ZNF773: variants seen among roughly 807,000 people sequenced by gnomAD.
The protein encoded by ZNF773 is zinc finger protein 419B.
In ZNF773, 11 loss-of-function variants were observed where a neutral mutation model predicts 12.8. That is an observed-to-expected ratio of 0.86 (90% confidence interval 0.54 to 1.42). The LOEUF (loss-of-function observed/expected upper bound fraction) is 1.42, where lower values mean the gene tolerates loss of function less well. Among genes scored for constraint, ZNF773 ranks in the 40% most tolerant of loss-of-function variants. The probability of loss-of-function intolerance (pLI) is 0.00; values close to 1 mark genes in which losing one functional copy is unlikely to be tolerated. For missense variants in ZNF773, 518 were observed against 527.2 expected (o/e 0.98, Z 0.17); for synonymous variants, 175 against 178.4 (o/e 0.98, Z 0.15).
downstream of ZNF773, chr19:57,514,143 A>G (rs1167669641): frequency 6.6e-6 from 1 of 152,246 alleles, no homozygotes; most frequent in Non-Finnish European, 1.5e-5. Context: ...TACAGATCAA[A>G]TCTTACATCA....
chr19:57,512,911 A>T, downstream of ZNF773: 2 of 1,196,436 alleles, frequency 1.7e-6, no homozygotes, highest in Non-Finnish European at 2.2e-6. Flanking sequence ...ATAAATACAA[A>T]GGGCTGTAGA....
At chr19:57,517,457 A>G (rs1477035532), downstream of ZNF773, 2 of 152,224 alleles carry the variant, frequency 1.3e-5, no homozygotes, top group East Asian at 1.9e-4. Flanking sequence ...AGTCACACTA[A>G]TAACCTCTGC....
chr19:57,506,451 A>G lies in ZNF773; in HGVS notation c.356A>G (p.His119Arg). Residue 119 changes from histidine to arginine, a missense_variant, in exon 4 of 4, where the codon CAC (histidine) becomes CGC (arginine). Transcript: ENST00000282292. ...SSNVQQHQKQ[H>R]CGEKPLKRQE... is the part of the protein sequence containing the mutation. ...AACGTTCAGCAACACCAGAAGCAGC[A>G]CTGTGGAGAGAAACCCTTAAAAAGA... The G allele has an allele frequency of 7.4e-6, 12 of 1,614,266 alleles. No individual in the cohort carries two copies. The African/African-American group carries it at 9.3e-5, about 13-fold the overall frequency.
At chr19:57,503,279 T>C (rs1487411647) in intron 1 of ZNF773, among the ~76,000 whole-genome samples, 1 of 152,186 alleles carries the variant, frequency 6.6e-6, no homozygotes, top group Non-Finnish European at 1.5e-5. Flanking sequence ...GAGGTCCTAT[T>C]GGTAATGCCA....
downstream of ZNF773, chr19:57,513,201 A>G: frequency 9.7e-7 from 1 of 1,027,970 alleles, no homozygotes; most frequent in African/African-American, 1.7e-5. Flanking sequence ...GAATCAGGGT[A>G]ACATAGGGCA....
At position 57,506,742 on chromosome 19, in the gene ZNF773, A is replaced by G; in HGVS notation, c.647A>G (p.Glu216Gly). ...LVQHQRLHTGEKPYECSECGK... is the reference protein window; with the variant it reads ...LVQHQRLHTGGKPYECSECGK... ...CAGCACCAGAGACTGCACACTGGGG[A>G]AAAGCCTTATGAATGCAGTGAATGT... is the stretch of plus-strand genomic sequence containing the variant. The change falls in exon 4 of 4, where the codon GAA becomes GGA. Residue 216 changes from glutamate to glycine, a missense_variant. Coordinates refer to ENST00000282292, the MANE Select transcript of ZNF773 (RefSeq NM_198542.3). 1.2e-6 allele frequency: 2 copies of G among 1,614,242 alleles called. No individual in the cohort carries two copies. The highest frequency in any genetic ancestry group is 1.1e-5 in the South Asian group (1 of 91,090).
downstream of ZNF773, among the ~76,000 whole-genome samples, chr19:57,512,749 G>A (rs1343476489): frequency 6.6e-6 from 1 of 152,168 alleles, no homozygotes; most frequent in African/African-American, 2.4e-5. Flanking sequence ...CAGATGGAAT[G>A]CTAAGGGCAG....
Position 57,507,754 on chromosome 19 carries a change from C to T in ZNF773, c.*330C>T. On this transcript the variant is annotated 3_prime_UTR_variant, in exon 4 of 4. Coordinates refer to ENST00000282292, the MANE Select transcript of ZNF773 (RefSeq NM_198542.3). ...CTTTGGGAGGCTGAAGCGGGCGGAT[C>T]ACAAGGTCAGGACATCGAAACCATC... is the stretch of plus-strand genomic sequence containing the variant. 9.3e-7 allele frequency: 1 copy of T among 1,073,152 alleles called. No individual in the cohort carries two copies. The highest frequency in any genetic ancestry group is 1.1e-6 in the Non-Finnish European group (1 of 876,690). The allele number at this position is 1,073,152 out of a possible 1,614,324, so 66.5% of individuals were successfully genotyped here. A position where few individuals can be genotyped will look rare whatever the true frequency, so the allele number is the denominator to read the frequency against.
chr19:57,503,733 C>T (rs528967213), intron 1 of ZNF773, among the ~76,000 whole-genome samples: 3 of 151,562 alleles, frequency 2.0e-5, no homozygotes, highest in African/African-American at 4.9e-5. Context: ...TCTTGGCTCA[C>T]GGCAACCTCC....
chr19:57,516,436 T>C (rs1173097052), downstream of ZNF773: 1 of 152,458 alleles, frequency 6.6e-6, no homozygotes, highest in Non-Finnish European at 1.5e-5. Context: ...TCCTGAGATA[T>C]ATCATGATCA....
chr19:57,512,253 AC>A (rs1568583940), downstream of ZNF773, among the ~76,000 whole-genome samples: 1 of 152,220 alleles, frequency 6.6e-6, no homozygotes, highest in African/African-American at 2.4e-5. Context: ...AATGCATAAT[AC>A]AAAATATATG....
downstream of ZNF773, chr19:57,512,885 C>T: frequency 4.3e-6 from 4 of 933,594 alleles, no homozygotes; most frequent in Non-Finnish European, 5.9e-6. Context: ...GTCTTCCTCT[C>T]TGTGGATTCT....
chr19:57,517,502 C>G (rs974327677), downstream of ZNF773: 1 of 152,196 alleles, frequency 6.6e-6, no homozygotes, highest in Non-Finnish European at 1.5e-5. Context: ...CAGCTCCATT[C>G]AAACAGCTCA....
At chr19:57,508,579 A>G, downstream of ZNF773, 2 of 699,106 alleles carry the variant, frequency 2.9e-6, no homozygotes, top group Non-Finnish European at 5.2e-6. Context: ...GTTGATCCAA[A>G]TGTTTCAAAT....
chr19:57,510,227 C>T (rs936933998), downstream of ZNF773, among the ~76,000 whole-genome samples: 2 of 152,198 alleles, frequency 1.3e-5, no homozygotes, highest in African/African-American at 4.8e-5. Flanking sequence ...TGAGGTTTAT[C>T]AAGAATAGAA....
In ZNF773 at chr19:57,506,362, T is replaced by A; in HGVS notation, c.267T>A (p.Ser89Arg). 6.2e-7 allele frequency: 1 copy of A among 1,601,710 alleles called. No individual in the cohort carries two copies. The highest frequency in any genetic ancestry group is 8.5e-7 in the Non-Finnish European group (1 of 1,175,706). The change falls in exon 4 of 4, where the codon AGT becomes AGA. Residue 89 changes from serine (S) to arginine (R), a missense_variant. Physicochemically the swap from Ser to Arg is moderately radical, Grantham distance 110. Transcript: ENST00000282292. Reference protein sequence around the residue: ...EVVTSAILRGSWQGAKAEAAA... With the variant: ...EVVTSAILRGRWQGAKAEAAA... ...TCAACATTTCTCTTCTTTCAGGTAG[T>A]TGGCAAGGAGCCAAGGCTGAGGCAG...
rs751680477 is a variant in ZNF773 at position 57,506,836 on chromosome 19, T to A, written c.741T>A (p.Tyr247Ter). 6.2e-7 allele frequency: 1 copy of A among 1,614,190 alleles called. No homozygotes were observed. The highest frequency in any genetic ancestry group is 1.3e-5 in the African/African-American group (1 of 75,054). Residue 247 changes from tyrosine to a stop codon, truncating the protein, a stop_gained, in exon 4 of 4, where the codon TAT (tyrosine) becomes TAA (stop). Coordinates refer to ENST00000282292, the MANE Select transcript of ZNF773 (RefSeq NM_198542.3). LOFTEE classifies it low-confidence loss of function (END_TRUNC). ...HQIVHTGERP[Y>*]GCSDCGKSFS... Reference sequence around the variant, plus strand: ...TAGTTCACACTGGAGAAAGGCCTTATGGGTGTAGTGACTGTGGAAAATCCT... The same window carrying A: ...TAGTTCACACTGGAGAAAGGCCTTAAGGGTGTAGTGACTGTGGAAAATCCT...
chr19:57,501,706 C>T lies in ZNF773; in HGVS notation c.33+1593C>T, dbSNP rs2089672498. On this transcript the variant is annotated intron_variant, in intron 1 of 3. Transcript: ENST00000282292. The stretch of plus-strand genomic sequence containing the variant: ...GATGATCCTTTGGTAACATCACTGT[C>T]TGGTTCTCATGGTCTTGATTTTCCA... Among the ~76,000 whole-genome samples the T allele has an allele frequency of 2.0e-5, 3 of 152,152 alleles. No homozygotes were observed. The South Asian group carries it at 6.2e-4, about 32-fold the overall frequency.
chr19:57,511,122 T>C (rs1281606090), downstream of ZNF773, among the ~76,000 whole-genome samples: 1 of 151,744 alleles, frequency 6.6e-6, no homozygotes, highest in East Asian at 1.9e-4. Context: ...TGATCTCAGC[T>C]CACTGCTGTG....
Sources: gnomAD v4.1 joint callset for allele counts (sites outside exome capture counted in the v4.1 genomes callset) on GRCh38, gnomAD v4.1.1 for gene constraint, MANE v1.5 for transcripts, NCBI Gene and HGNC (gene_info 2026-07-23, HGNC 2026-07-21) for gene names.